ARHGAP30: variants seen among roughly 807,000 people sequenced by gnomAD.
The protein encoded by ARHGAP30 is rho GTPase-activating protein 30.
In ARHGAP30, 23 loss-of-function variants were observed where a neutral mutation model predicts 72.0. That is an observed-to-expected ratio of 0.32 (90% CI 0.23 to 0.45). The LOEUF (loss-of-function observed/expected upper bound fraction) is 0.45. Ranked by LOEUF, ARHGAP30 falls within the 20% of genes least tolerant of loss-of-function variation. The pLI, the probability that ARHGAP30 is intolerant of heterozygous loss-of-function variation, is 1.00. For synonymous variants in ARHGAP30, 576 were observed against 528.2 expected, an observed-to-expected ratio of 1.09 and a Z score of -1.24; for missense variants, 1,319 against 1,383.4, an observed-to-expected ratio of 0.95 and a Z score of 0.74.
intron 3 of ARHGAP30, among the ~76,000 whole-genome samples, chr1:161,055,192 C>T (rs1020860414): frequency 2.6e-5 from 4 of 152,140 alleles, no homozygotes; most frequent in Admixed American, 6.5e-5. Flanking sequence ...CATGTGTTTT[C>T]GCATTTAAAA....
intron 1 of ARHGAP30, among the ~76,000 whole-genome samples, chr1:161,066,644 CAAAAAA>C (rs60662116): frequency 2.7e-5 from 2 of 75,108 alleles, no homozygotes; most frequent in African/African-American, 1.4e-4. Flanking sequence ...GACTGCATCT[CAAAAAA>C]AAAAAAAAAA....
intron 3 of ARHGAP30, 130 bp from the exon 4 acceptor site, chr1:161,054,835 T>C: frequency 1.3e-6 from 1 of 771,390 alleles, no homozygotes; most frequent in Non-Finnish European, 2.2e-6. Flanking sequence ...CTACATCATC[T>C]GCGGTGCACT....
At chr1:161,068,253 T>G (rs1293789174) in intron 1 of ARHGAP30, among the ~76,000 whole-genome samples, 1 of 152,170 alleles carries the variant, frequency 6.6e-6, no homozygotes, top group Non-Finnish European at 1.5e-5. Context: ...GAGGAGTCCC[T>G]TAGAAAGGAG....
intron 1 of ARHGAP30, among the ~76,000 whole-genome samples, chr1:161,061,442 C>T (rs1016860467): frequency 5.3e-5 from 8 of 152,034 alleles, no homozygotes; most frequent in African/African-American, 1.2e-4. Context: ...CGTGAGCCAC[C>T]GCGCCTGACC....
intron 1 of ARHGAP30, among the ~76,000 whole-genome samples, chr1:161,065,813 C>G (rs1044906433): frequency 3.9e-5 from 6 of 151,906 alleles, no homozygotes; most frequent in Non-Finnish European, 8.8e-5. Flanking sequence ...GTGATCCACC[C>G]ACCTTGGCTT....
chr1:161,057,340 A>T (rs1159101026), intron 2 of ARHGAP30, among the ~76,000 whole-genome samples: 1 of 152,158 alleles, frequency 6.6e-6, no homozygotes, highest in Non-Finnish European at 1.5e-5. Context: ...CCAAATTTTT[A>T]AACAGGCAAA....
Position 161,051,319 on chromosome 1 carries a change from G to A in ARHGAP30, c.1415C>T (p.Pro472Leu). The change falls in exon 10 of 12, where the codon CCC (proline) becomes CTC (leucine). Residue 472 changes from proline (P) to leucine (L), a missense_variant. This residue lies in a region of ARHGAP30 where 1,097 missense variants were observed against 1,045.2 expected (regional missense o/e 1.05). Transcript: ENST00000368013. ...PGPGPGLGPGPPDEKLEASPA... is the reference protein window; with the variant it reads ...PGPGPGLGPGLPDEKLEASPA... The stretch of plus-strand genomic sequence containing the variant: ...GTCAATCAATGGGTCCTCACCTGGG[G>A]GGCCAGGGCCAAGGCCAGGGCCAGG... 1 of 1,596,198 alleles carries A rather than the reference G, an allele frequency of 6.3e-7. No individual in the cohort carries two copies. Among genetic ancestry groups the A allele is most frequent in the Non-Finnish European group, 8.5e-7 (1 of 1,171,084 alleles).
At position 161,069,647 on chromosome 1, in the gene ARHGAP30, C is replaced by G. The variant is rs1470044260; in HGVS notation, c.-23G>C. ...CATGGCCAGAGCCCCAGGGCACTGG[C>G]CCGGTCACCTCTATCCCCCAAGACC... On this transcript the variant is annotated 5_prime_UTR_variant, in exon 1 of 12. Coordinates refer to ENST00000368013, the MANE Select transcript of ARHGAP30 (RefSeq NM_001025598.2). The surrounding 1 kb of genome is among the most constrained non-coding windows in gnomAD (Gnocchi z 4.9). The G allele has an allele frequency of 6.2e-7, 1 of 1,604,380 alleles. No homozygotes were observed. The highest frequency in any genetic ancestry group is 1.7e-5 in the Admixed American group (1 of 60,004).
rs376108588 is a variant in ARHGAP30 at position 161,048,073 on chromosome 1, C to G, written c.2948G>C (p.Arg983Pro). ...ATTCCTCCAAGAGGATCGAGAAGCTCGGGACCCCCAAGCCCTTTCTCCAGG... is the reference window on the plus strand; with the variant it reads ...ATTCCTCCAAGAGGATCGAGAAGCTGGGGACCCCCAAGCCCTTTCTCCAGG... ...GTPGERAWGS[R>P]ASRSSWRNGG... is the part of the protein sequence containing the mutation. The change falls in exon 12 of 12, where the codon CGA (arginine) becomes CCA (proline). Residue 983 changes from arginine (R) to proline (P), a missense_variant. Arg to Pro is a moderately radical substitution (Grantham distance 103, BLOSUM62 -2). Coordinates refer to ENST00000368013, the MANE Select transcript of ARHGAP30 (RefSeq NM_001025598.2). 15 of 1,614,042 alleles carry G rather than the reference C, an allele frequency of 9.3e-6. No individual in the cohort carries two copies. The African/African-American group carries it at 1.9e-4, about 20-fold the overall frequency.
chr1:161,061,200 C>G (rs1284670767), intron 1 of ARHGAP30, among the ~76,000 whole-genome samples: 1 of 152,042 alleles, frequency 6.6e-6, no homozygotes, highest in Non-Finnish European at 1.5e-5. Context: ...GAGTCTCACT[C>G]TGTTTCCCAG....
chr1:161,066,074 A>T (rs938779029), intron 1 of ARHGAP30, among the ~76,000 whole-genome samples: 11 of 150,490 alleles, frequency 7.3e-5, no homozygotes, highest in Non-Finnish European at 1.5e-4. Flanking sequence ...CATGTTGGCC[A>T]GGCTGGCCTC....
chr1:161,059,450 TGAG>T (rs1451556351), intron 2 of ARHGAP30, among the ~76,000 whole-genome samples, 161 bp downstream of exon 2: 2 of 151,850 alleles, frequency 1.3e-5, no homozygotes, highest in Non-Finnish European at 2.9e-5. Context: ...CCACCTTCCC[TGAG>T]GAGTTGTTAG....
chr1:161,063,604 G>A (rs1334167175), intron 1 of ARHGAP30, among the ~76,000 whole-genome samples: 3 of 152,174 alleles, frequency 2.0e-5, no homozygotes, highest in Non-Finnish European at 4.4e-5. Flanking sequence ...TGGGCACCCT[G>A]AAAAAAGAAC....
chr1:161,057,929 A>G (rs1651996700), intron 2 of ARHGAP30, among the ~76,000 whole-genome samples: 1 of 152,166 alleles, frequency 6.6e-6, no homozygotes, highest in Admixed American at 6.5e-5. Flanking sequence ...AGGCAGGCAG[A>G]TCACCTGAGG....
Position 161,047,070 on chromosome 1 carries a change from C to T in ARHGAP30, c.*645G>A, listed in dbSNP as rs1242534080. The T allele has an allele frequency of 9.0e-6, 4 of 446,050 alleles. No individual in the cohort carries two copies. In the East Asian group the frequency reaches 2.8e-4, roughly 32 times the overall value. 27.6% of individuals were successfully genotyped at this position (446,050 alleles called of 1,614,324 possible). A position where few individuals can be genotyped will look rare whatever the true frequency, so the allele number is the denominator to read the frequency against. ...CCATTTCCCTTTCCTGAAATAGGAA[C>T]AAGTTATTCCAAAGGAGAAAGGAGA... On this transcript the variant is annotated 3_prime_UTR_variant, in exon 12 of 12. Transcript: ENST00000368013.
At chr1:161,049,761 C>A in intron 10 of ARHGAP30, 72 bp from the exon 11 acceptor site, 1 of 1,545,076 alleles carries the variant, frequency 6.5e-7, no homozygotes, top group Non-Finnish European at 8.7e-7. Flanking sequence ...GTCCTCCTAG[C>A]ATTGATATAG....
chr1:161,053,503 T>TCTCTCC (rs1557923775), intron 5 of ARHGAP30, 118 bp from the exon 6 acceptor site: 1 of 797,704 alleles, frequency 1.3e-6, no homozygotes, highest in Non-Finnish European at 1.6e-6. Flanking sequence ...TCTCTCTCTC[T>TCTCTCC]CTCGAATGAC....
rs1463959580 is a variant in ARHGAP30 at position 161,054,432 on chromosome 1, G to A, written c.470C>T (p.Ser157Leu). 1.2e-6 allele frequency: 2 copies of A among 1,613,936 alleles called. No homozygotes were observed. Among genetic ancestry groups the A allele is most frequent in the Non-Finnish European group, 1.7e-6 (2 of 1,179,976 alleles). Residue 157 changes from serine (S) to leucine (L), a missense_variant, in exon 5 of 12, where the codon TCA becomes TTA. Ser to Leu is a moderately radical substitution (Grantham distance 145). Transcript: ENST00000368013. ...FLMRHLVHMA[S>L]FSAQTNMHAR... Reference sequence around the variant, plus strand: ...ATGCATGTTGGTCTGGGCACTGAATGAGGCCATGTGTACCAAGTGCCTCAT... The same window carrying A: ...ATGCATGTTGGTCTGGGCACTGAATAAGGCCATGTGTACCAAGTGCCTCAT...
In ARHGAP30 at chr1:161,048,808, C is replaced by T. The variant is rs139131986; in HGVS notation, c.2213G>A (p.Gly738Glu). 9.9e-5 allele frequency: 160 copies of T among 1,614,156 alleles called. No individual in the cohort carries two copies. In the African/African-American group the frequency reaches 2.0e-3, roughly 20 times the overall value. The change falls in exon 12 of 12, where the codon GGA becomes GAA. Residue 738 changes from glycine (G) to glutamate (E), a missense_variant. Around this residue, in one of 2 missense-constraint regions of ARHGAP30, gnomAD observed 1,097 missense variants for 1,045.2 expected, o/e 1.05. Transcript: ENST00000368013. Reference sequence around the variant, plus strand: ...CTTCTCATCTGTATACTCATCTCCTCCTGGTTCCTCCACACCTTTAGCCTC... The same window carrying T: ...CTTCTCATCTGTATACTCATCTCCTTCTGGTTCCTCCACACCTTTAGCCTC... Reference protein sequence around the residue: ...SMEAKGVEEPGGDEYTDEKEK... With the variant: ...SMEAKGVEEPEGDEYTDEKEK...
Sources: allele counts gnomAD v4.1 joint callset (sites outside exome capture counted in the v4.1 genomes callset), GRCh38; gene constraint gnomAD v4.1.1; regional missense constraint gnomAD v4.1.1; non-coding constraint Gnocchi (gnomAD v3.1); transcripts MANE v1.5; gene names NCBI Gene and HGNC (gene_info 2026-07-23, HGNC 2026-07-21).